The following USP47 variants were observed in gnomAD, a reference collection of about 807,000 sequenced individuals.
USP47 encodes the protein ubiquitin specific peptidase 47.
A neutral mutation model predicts 165.1 loss-of-function variants in USP47; 35 were observed. That is an observed-to-expected ratio of 0.21 (90% CI 0.16 to 0.28). The LOEUF (loss-of-function observed/expected upper bound fraction) is 0.28, where lower values mean the gene tolerates loss of function less well. Among genes scored for constraint, USP47 ranks in the 10% least tolerant of loss-of-function variants. The probability of loss-of-function intolerance (pLI) is 1.00; values close to 1 mark genes in which losing one functional copy is unlikely to be tolerated. For synonymous variants in USP47, 531 were observed against 544.5 expected, an observed-to-expected ratio of 0.98 and a Z score of 0.35; for missense variants, 1,277 against 1,607.4, an observed-to-expected ratio of 0.79 and a Z score of 3.52.
chr11:11,927,265 T>C (rs573023863), intron 11 of USP47, among the ~76,000 whole-genome samples: 41 of 152,276 alleles, frequency 2.7e-4, no homozygotes, highest in Non-Finnish European at 4.7e-4. Flanking sequence ...GAACATGATA[T>C]GCCTAAACAT....
intron 20 of USP47, chr11:11,943,453 G>A (rs1335224631): frequency 6.2e-6 from 1 of 161,810 alleles, no homozygotes; most frequent in African/African-American, 2.4e-5. Flanking sequence ...GATATTCAAT[G>A]CCCAGGAAAA....
intron 7 of USP47, among the ~76,000 whole-genome samples, chr11:11,904,789 A>G (rs967568176): frequency 1.3e-5 from 2 of 152,140 alleles, no homozygotes; most frequent in African/African-American, 2.4e-5. Flanking sequence ...GTGGATTTTA[A>G]GATTTTTTTT....
chr11:11,895,406 G>T (rs1031662031), intron 4 of USP47, among the ~76,000 whole-genome samples: 1 of 152,040 alleles, frequency 6.6e-6, no homozygotes, highest in Non-Finnish European at 1.5e-5. Context: ...TTTATCAGGG[G>T]TTGTGTTCAG....
chr11:11,882,409 A>G (rs903320315), intron 2 of USP47, among the ~76,000 whole-genome samples: 3 of 152,208 alleles, frequency 2.0e-5, no homozygotes, highest in African/African-American at 4.8e-5. Flanking sequence ...TTAAAATCAT[A>G]TTATGCTTTT....
Position 11,933,134 on chromosome 11 carries a change from T to A in USP47, c.1764+18T>A. On this transcript the variant is annotated intron_variant, in intron 15 of 27. Transcript: ENST00000527733. Reference sequence around the variant, plus strand: ...CATGCAAGGTTGAATTCCATCATTTTATTTTTAATTGAAAGTGCTATTTTT... The same window carrying A: ...CATGCAAGGTTGAATTCCATCATTTAATTTTTAATTGAAAGTGCTATTTTT... The A allele has an allele frequency of 1.2e-6, 2 of 1,600,900 alleles. No homozygotes were observed. Among genetic ancestry groups the A allele is most frequent in the Non-Finnish European group, 1.7e-6 (2 of 1,171,190 alleles).
At chr11:11,846,804 A>G (rs1205265483) in intron 1 of USP47, among the ~76,000 whole-genome samples, 1 of 152,176 alleles carries the variant, frequency 6.6e-6, no homozygotes, top group East Asian at 1.9e-4. Context: ...ATATTCTTTT[A>G]ATTTTATTTC....
Position 11,871,501 on chromosome 11 carries a change from CAAAAAAAAAAAAAAAAAAAAA to C in USP47, c.40-8659_40-8639del, listed in dbSNP as rs71037046. Among the ~76,000 whole-genome samples the C allele has an allele frequency of 8.0e-3, 504 of 63,160 alleles. 8 individuals carry two copies. The highest frequency in any genetic ancestry group is 0.02 in the African/African-American group (448 of 22,494). 41.4% of individuals were successfully genotyped at this position (63,160 alleles called of 152,430 possible). ...CTGGCAACAGAGCGAAACTCCCTCT[CAAAAAAAAAAAAAAAAAAAAA>C]AAAAAAAAAAAAAAAAGAATTCTGG... is the stretch of plus-strand genomic sequence containing the variant. On this transcript the variant is annotated intron_variant, in intron 1 of 27. Coordinates refer to ENST00000527733, the MANE Select transcript of USP47 (RefSeq NM_001282659.2).
chr11:11,857,028 G>A (rs1267436612), intron 1 of USP47, among the ~76,000 whole-genome samples: 1 of 152,030 alleles, frequency 6.6e-6, no homozygotes, highest in Non-Finnish European at 1.5e-5. Flanking sequence ...AGAATTAATG[G>A]AATCTTCCTA....
intron 8 of USP47, among the ~76,000 whole-genome samples, chr11:11,906,691 T>C (rs144949339): frequency 3.1e-4 from 47 of 152,318 alleles, no homozygotes; most frequent in African/African-American, 1.0e-3. Flanking sequence ...TGTTTAGTAC[T>C]ACTTTTTTAA....
intron 5 of USP47, among the ~76,000 whole-genome samples, chr11:11,901,958 C>CAAA (rs34053426): frequency 1.5e-5 from 1 of 66,764 alleles, no homozygotes; most frequent in Non-Finnish European, 3.1e-5. Context: ...GACTCTGTCT[C>CAAA]AAAAAAAAAA....
chr11:11,877,526 T>A (rs1458378012), intron 1 of USP47, among the ~76,000 whole-genome samples: 2 of 152,202 alleles, frequency 1.3e-5, no homozygotes, highest in African/African-American at 4.8e-5. Flanking sequence ...TATGAAGTTT[T>A]ATGTAGGTGT....
At chr11:11,892,498 CA>C (rs1851595354) in intron 4 of USP47, among the ~76,000 whole-genome samples, 1 of 150,468 alleles carries the variant, frequency 6.6e-6, no homozygotes, top group African/African-American at 2.4e-5. Context: ...CCTCCCACCT[CA>C]GTCCCCTGAG....
rs751552624 is a variant in USP47 at position 11,929,522 on chromosome 11, G to T, written c.1475G>T (p.Ser492Ile). ...GHYYACIKSFSDEQWYSFNDQ... is the reference protein window; with the variant it reads ...GHYYACIKSFIDEQWYSFNDQ... ...TATTATGCATGTATAAAGTCATTCA[G>T]TGATGAGCAGTGGTACAGCTTCAAT... The change falls in exon 12 of 28, where the codon AGT (serine) becomes ATT (isoleucine). Residue 492 changes from serine to isoleucine, a missense_variant. Around this residue, in one of 4 missense-constraint regions of USP47, gnomAD observed 909 missense variants for 1,068.1 expected, o/e 0.85. Transcript: ENST00000527733. 2.5e-6 allele frequency: 4 copies of T among 1,613,204 alleles called. No individual in the cohort carries two copies. Among genetic ancestry groups the T allele is most frequent in the African/African-American group, 2.7e-5 (2 of 74,880 alleles).
rs928665517 is a variant in USP47, at chr11:11,933,036, A to G, written c.1684A>G (p.Ile562Val). Residue 562 changes from isoleucine (I) to valine (V), a missense_variant, in exon 15 of 28, where the codon ATT becomes GTT. Physicochemically the swap from Ile to Val is conservative, Grantham distance 29 (BLOSUM62 3). Around this residue, in one of 4 missense-constraint regions of USP47, gnomAD observed 909 missense variants for 1,068.1 expected, o/e 0.85. Coordinates refer to ENST00000527733, the MANE Select transcript of USP47 (RefSeq NM_001282659.2). ...AGAAGTGGATGAATACCCAGAACAT[A>G]TTAAAAACTTGGTGCAGAAAGAGAG... ...FLEVDEYPEH[I>V]KNLVQKEREL... The G allele has an allele frequency of 6.2e-6, 10 of 1,613,238 alleles. No homozygotes were observed. The highest frequency in any genetic ancestry group is 8.5e-6 in the Non-Finnish European group (10 of 1,179,576).
chr11:11,929,965 C>A, intron 12 of USP47, 79 bp from the exon 13 acceptor site: 2 of 1,155,590 alleles, frequency 1.7e-6, no homozygotes, highest in Non-Finnish European at 2.6e-6. Context: ...AACTCTGAGG[C>A]TAAAGATTGA....
At chr11:11,917,069 C>A (rs72857614) in intron 8 of USP47, among the ~76,000 whole-genome samples, 19,518 of 152,046 alleles carry the variant, frequency 0.13, 1,599 homozygotes, top group Middle Eastern at 0.39. Flanking sequence ...AAGAGAATTG[C>A]TTGAGCCAGG....
At chr11:11,847,400 A>C (rs1009931012) in intron 1 of USP47, among the ~76,000 whole-genome samples, 2 of 151,822 alleles carry the variant, frequency 1.3e-5, no homozygotes, top group East Asian at 1.9e-4. Context: ...ACACATTTAT[A>C]TCTCCAGCCC....
At chr11:11,871,418 G>A (rs11602829) in intron 1 of USP47, among the ~76,000 whole-genome samples, 20,658 of 142,960 alleles carry the variant, frequency 0.14, 1,877 homozygotes, top group Non-Finnish European at 0.2. Context: ...CAGGAGAATT[G>A]CTTGAACCCA....
chr11:11,902,694 A>G, intron 5 of USP47, 21 bp from the exon 6 acceptor site: 2 of 1,438,874 alleles, frequency 1.4e-6, no homozygotes, highest in East Asian at 5.0e-5. Flanking sequence ...TAAATACTTT[A>G]TTAACATTTT....
Sources: allele counts gnomAD v4.1 joint callset (sites outside exome capture counted in the v4.1 genomes callset), GRCh38; gene constraint gnomAD v4.1.1; regional missense constraint gnomAD v4.1.1; transcripts MANE v1.5; gene names NCBI Gene and HGNC (gene_info 2026-07-23, HGNC 2026-07-21).